Variants in ARNT2 observed in about 807,000 individuals in gnomAD.
The protein encoded by ARNT2 is ARNT protein 2.
A neutral mutation model predicts 91.7 loss-of-function variants in ARNT2; 36 were observed. The observed-to-expected ratio is 0.39, with a 90% confidence interval of 0.30 to 0.52. The LOEUF is 0.52. Ranked by LOEUF, ARNT2 falls within the 20% of genes least tolerant of loss-of-function variation. The pLI is 0.72. For missense variants in ARNT2, 775 were observed against 939.3 expected (o/e 0.83, Z 2.29); for synonymous variants, 365 against 347.1 (o/e 1.05, Z -0.57).
In ARNT2 at chr15:80,593,948, G is replaced by A; in HGVS notation, c.*250G>A. 2.0e-6 allele frequency: 1 copy of A among 491,002 alleles called. No individual in the cohort carries two copies. Among genetic ancestry groups the A allele is most frequent in the East Asian group, 3.4e-5 (1 of 29,422 alleles). 30.4% of individuals were successfully genotyped at this position (491,002 alleles called of 1,614,324 possible). A position where few individuals can be genotyped will look rare whatever the true frequency, so the allele number is the denominator to read the frequency against. On this transcript the variant is annotated 3_prime_UTR_variant, in exon 19 of 19. Transcript: ENST00000303329. Reference sequence around the variant, plus strand: ...TGTATTTATTGTATTTTATCTGTGTGTGCTCAGGAGGTGAGCCTAGTGGGT... The same window carrying A: ...TGTATTTATTGTATTTTATCTGTGTATGCTCAGGAGGTGAGCCTAGTGGGT...
At chr15:80,501,726 G>A (rs889630807) in intron 5 of ARNT2, among the ~76,000 whole-genome samples, 1 of 152,104 alleles carries the variant, frequency 6.6e-6, no homozygotes, top group African/African-American at 2.4e-5. Flanking sequence ...TCTCTAAGGG[G>A]GTTTGTTGAG....
chr15:80,414,769 T>TC (rs1327564203), intron 1 of ARNT2, among the ~76,000 whole-genome samples: 2 of 72,766 alleles, frequency 2.7e-5, no homozygotes, highest in East Asian at 5.0e-4. Context: ...CTCTCTCTCT[T>TC]TTTTTTTTTT....
At chr15:80,524,066 A>C (rs1452158103) in intron 8 of ARNT2, among the ~76,000 whole-genome samples, 1 of 152,198 alleles carries the variant, frequency 6.6e-6, no homozygotes, top group Non-Finnish European at 1.5e-5. Context: ...AGTTACCAGA[A>C]GGCAGAGTTT....
At chr15:80,544,272 C>T (rs1184498342) in intron 8 of ARNT2, among the ~76,000 whole-genome samples, 1 of 152,092 alleles carries the variant, frequency 6.6e-6, no homozygotes, top group Non-Finnish European at 1.5e-5. Flanking sequence ...TTGTTTCATG[C>T]CTGGTAATTT....
chr15:80,471,565 A>G (rs1472551166), intron 4 of ARNT2, among the ~76,000 whole-genome samples: 1 of 152,228 alleles, frequency 6.6e-6, no homozygotes, highest in Non-Finnish European at 1.5e-5. Flanking sequence ...TGATGGCAGC[A>G]GTAGTGATAA....
intron 1 of ARNT2, among the ~76,000 whole-genome samples, chr15:80,445,450 ATG>A (rs1439451517): frequency 1.5e-5 from 2 of 134,776 alleles, no homozygotes; most frequent in Admixed American, 7.4e-5. Context: ...AGTGTTGTGT[ATG>A]TGTGTTGATG....
chr15:80,429,868 C>T (rs1895985145), intron 1 of ARNT2, among the ~76,000 whole-genome samples: 2 of 152,294 alleles, frequency 1.3e-5, no homozygotes, highest in Non-Finnish European at 1.5e-5. Context: ...TCTGTACCAC[C>T]AGATATCATG....
intron 6 of ARNT2, among the ~76,000 whole-genome samples, chr15:80,511,890 C>A (rs1313438932): frequency 1.3e-5 from 2 of 152,132 alleles, no homozygotes; most frequent in African/African-American, 4.8e-5. Flanking sequence ...CCAAAGGCTA[C>A]TGATGAGCCC....
chr15:80,574,167 G>A lies in ARNT2; in HGVS notation c.1336G>A (p.Ala446Thr), dbSNP rs1192130737. 3.1e-6 allele frequency: 5 copies of A among 1,614,212 alleles called. No homozygotes were observed. The South Asian group carries it at 3.3e-5, about 11-fold the overall frequency. Residue 446 changes from alanine (A) to threonine (T), a missense_variant, in exon 13 of 19, where the codon GCA becomes ACA. Transcript: ENST00000303329. The part of the protein sequence containing the change: ...TNVKQLQQQQ[A>T]ELEVHQRDGL... ...TCACAGGCAACTTCAGCAACAGCAG[G>A]CAGAATTGGAAGTGCACCAGAGAGA...
intron 1 of ARNT2, among the ~76,000 whole-genome samples, chr15:80,433,613 T>A (rs993340827): frequency 6.6e-6 from 1 of 152,188 alleles, no homozygotes; most frequent in Non-Finnish European, 1.5e-5. Context: ...AAAGGCATTT[T>A]ATAGAAATAA....
intron 11 of ARNT2, chr15:80,555,562 A>G (rs1949861708): frequency 1.2e-5 from 2 of 162,162 alleles, no homozygotes; most frequent in African/African-American, 4.8e-5. Context: ...CTGGAGTGAC[A>G]CTGGCTGACT....
intron 8 of ARNT2, among the ~76,000 whole-genome samples, chr15:80,525,031 T>C (rs1348228722): frequency 6.6e-6 from 1 of 152,202 alleles, no homozygotes; most frequent in Non-Finnish European, 1.5e-5. Context: ...ATCACTGTTA[T>C]CTCTGTATAG....
chr15:80,423,449 T>G (rs892071041), intron 1 of ARNT2, among the ~76,000 whole-genome samples: 2 of 152,200 alleles, frequency 1.3e-5, no homozygotes, highest in Non-Finnish European at 2.9e-5. Flanking sequence ...TAATCAGTTA[T>G]GTCTAATGTA....
chr15:80,446,876 A>G (rs1896314173), intron 1 of ARNT2, among the ~76,000 whole-genome samples: 1 of 152,070 alleles, frequency 6.6e-6, no homozygotes, highest in Non-Finnish European at 1.5e-5. Flanking sequence ...TCATTCATTC[A>G]TTGCTTCCAG....
chr15:80,470,502 G>A (rs762054214), intron 4 of ARNT2, 71 bp downstream of exon 4: 202 of 1,518,026 alleles, frequency 1.3e-4, no homozygotes, highest in Non-Finnish European at 1.7e-4. Context: ...AATAAACTAC[G>A]TGGGGAACCA....
chr15:80,553,809 G>A (rs1371628789), intron 10 of ARNT2, among the ~76,000 whole-genome samples: 1 of 152,152 alleles, frequency 6.6e-6, no homozygotes, highest in African/African-American at 2.4e-5. Flanking sequence ...TTAATGATGT[G>A]TATTTTAGGA....
At chr15:80,585,545 C>G (rs1257792822) in intron 17 of ARNT2, among the ~76,000 whole-genome samples, 1 of 152,180 alleles carries the variant, frequency 6.6e-6, no homozygotes, top group Non-Finnish European at 1.5e-5. Flanking sequence ...CCCACAAAAC[C>G]TGAGGTTCAG....
chr15:80,461,337 C>G (rs747276502), intron 3 of ARNT2, among the ~76,000 whole-genome samples: 3 of 152,102 alleles, frequency 2.0e-5, no homozygotes, highest in Non-Finnish European at 4.4e-5. Flanking sequence ...TGGTTAAGGT[C>G]TCAATGAGAG....
At chr15:80,531,458 A>G (rs117465855) in intron 8 of ARNT2, among the ~76,000 whole-genome samples, 2,464 of 152,358 alleles carry the variant, frequency 0.016, 24 homozygotes, top group East Asian at 0.064. Context: ...AATCATTAAA[A>G]TCTGTTAAAA....
Sources: allele counts gnomAD v4.1 joint callset (sites outside exome capture counted in the v4.1 genomes callset), GRCh38; gene constraint gnomAD v4.1.1; transcripts MANE v1.5; gene names NCBI Gene and HGNC (gene_info 2026-07-23, HGNC 2026-07-21).